The following SENP5 variants were observed in gnomAD, a reference collection of about 807,000 sequenced individuals.
SENP5 encodes the protein sentrin-specific protease 5.
SENP5 carries 21 observed loss-of-function variants against 74.2 expected under a neutral mutation model. That is an observed-to-expected ratio of 0.28 (90% CI 0.20 to 0.41). The LOEUF (loss-of-function observed/expected upper bound fraction) is 0.41, where lower values mean the gene tolerates loss of function less well. Ranked by LOEUF, SENP5 falls within the 10% of genes least tolerant of loss-of-function variation. SENP5 has a pLI of 1.00. For synonymous variants in SENP5, 311 were observed against 312.7 expected (o/e 0.99, Z 0.06); for missense variants, 717 against 889.1 (o/e 0.81, Z 2.46).
intron 1 of SENP5, among the ~76,000 whole-genome samples, chr3:196,872,552 A>G (rs543252997): frequency 7.9e-5 from 12 of 152,164 alleles, no homozygotes; most frequent in East Asian, 5.8e-4. Flanking sequence ...CTCATTCTCA[A>G]CTGGACCAGT....
At chr3:196,910,284 G>T (rs1380080813) in intron 6 of SENP5, among the ~76,000 whole-genome samples, 3 of 149,824 alleles carry the variant, frequency 2.0e-5, no homozygotes, top group African/African-American at 7.4e-5. Flanking sequence ...TTCCATCCTC[G>T]TGGATAGGAA....
At position 196,885,407 on chromosome 3, in the gene SENP5, C is replaced by G; in HGVS notation, c.226C>G (p.Leu76Val). The G allele has an allele frequency of 6.2e-7, 1 of 1,614,114 alleles. No individual in the cohort carries two copies. The highest frequency in any genetic ancestry group is 1.1e-5 in the South Asian group (1 of 91,076). Residue 76 changes from leucine to valine, a missense_variant, in exon 2 of 10, where the codon CTT becomes GTT. Coordinates refer to ENST00000323460, the MANE Select transcript of SENP5 (RefSeq NM_152699.5). ...GAAAACGTGGATCAAGGATGAACCC[C>G]TTTGTGCTAAGACCAAGTTCAATGT... ...IQKTWIKDEP[L>V]CAKTKFNVAT...
chr3:196,877,480 C>T (rs1027588558), intron 1 of SENP5, among the ~76,000 whole-genome samples: 8 of 152,130 alleles, frequency 5.3e-5, no homozygotes, highest in Non-Finnish European at 1.0e-4. Flanking sequence ...CCACCGTGCC[C>T]GGCCACTATC....
rs1716014259 is a variant in SENP5, at chr3:196,930,965, G to A, written c.*42G>A. The A allele has an allele frequency of 1.6e-6, 2 of 1,278,570 alleles. No individual in the cohort carries two copies. The highest frequency in any genetic ancestry group is 2.3e-6 in the Non-Finnish European group (2 of 875,104). 79.2% of individuals were successfully genotyped at this position (1,278,570 alleles called of 1,614,324 possible). ...TGGGAAGTCTGACCAAGTTGGAGCA[G>A]ATGGTTTGTTACTTGAATCTCCAAA... On this transcript the variant is annotated 3_prime_UTR_variant, in exon 10 of 10. Transcript: ENST00000323460.
At chr3:196,926,575 T>G (rs1715820852) in intron 7 of SENP5, among the ~76,000 whole-genome samples, 1 of 152,010 alleles carries the variant, frequency 6.6e-6, no homozygotes, top group African/African-American at 2.4e-5. Flanking sequence ...TGTCATACTT[T>G]GTTGGATATT....
At chr3:196,927,592 C>T (rs186802215) in intron 7 of SENP5, among the ~76,000 whole-genome samples, 100 of 150,522 alleles carry the variant, frequency 6.6e-4, no homozygotes, top group African/African-American at 2.3e-3. Flanking sequence ...GCTATGATCA[C>T]GCCATTGTAC....
chr3:196,882,609 T>C (rs1468350479), intron 1 of SENP5, among the ~76,000 whole-genome samples: 1 of 152,152 alleles, frequency 6.6e-6, no homozygotes, highest in African/African-American at 2.4e-5. Flanking sequence ...GTTCAGGCAA[T>C]TCCTGTGCCT....
At chr3:196,899,519 T>G (rs1160772761) in intron 2 of SENP5, 147 bp from the exon 3 acceptor site, 8 of 442,870 alleles carry the variant, frequency 1.8e-5, no homozygotes, top group Non-Finnish European at 2.9e-5. Context: ...AGACATAACT[T>G]TAAAAATATA....
chr3:196,886,024 G>A lies in SENP5; in HGVS notation c.843G>A (p.Glu281=). 1.2e-6 allele frequency: 2 copies of A among 1,614,184 alleles called. No homozygotes were observed. The highest frequency in any genetic ancestry group is 3.3e-5 in the Admixed American group (2 of 60,010). ...VTGDHQETRR[E]NGEGGSCSPF... is the part of the protein sequence containing the mutation. ...GGGACCATCAAGAGACCCGTAGGGA[G>A]AACGGTGAGGGTGGCAGTTGCAGCC... is the stretch of plus-strand genomic sequence containing the variant. The change falls in exon 2 of 10, where the codon GAG becomes GAA. Residue 281 remains glutamate, a synonymous_variant. Transcript: ENST00000323460.
At chr3:196,902,927 T>C (rs774914953) in intron 5 of SENP5, among the ~76,000 whole-genome samples, 1 of 152,150 alleles carries the variant, frequency 6.6e-6, no homozygotes, top group Non-Finnish European at 1.5e-5. Flanking sequence ...AGGTAATTGT[T>C]ACCTCATTTT....
At position 196,886,062 on chromosome 3, in the gene SENP5, C is replaced by T. The variant is rs1414234046; in HGVS notation, c.881C>T (p.Pro294Leu). ...EGGSCSPFPSPEPKDPSCRHQ... is the reference protein window; with the variant it reads ...EGGSCSPFPSLEPKDPSCRHQ... The stretch of plus-strand genomic sequence containing the variant: ...GGCAGTTGCAGCCCATTTCCTTCCC[C>T]AGAACCTAAAGACCCTTCTTGTCGG... The change falls in exon 2 of 10, where the codon CCA becomes CTA. Residue 294 changes from proline to leucine, a missense_variant. Pro to Leu is a moderately conservative substitution (Grantham distance 98). This residue lies in a region of SENP5 where 567 missense variants were observed against 577.4 expected (regional missense o/e 0.98). Transcript: ENST00000323460. 1 of 1,614,230 alleles carries T rather than the reference C, an allele frequency of 6.2e-7. No individual in the cohort carries two copies.
At chr3:196,927,624 A>G (rs532882623) in intron 7 of SENP5, among the ~76,000 whole-genome samples, 172 bp from the exon 8 acceptor site, 1 of 148,670 alleles carries the variant, frequency 6.7e-6, no homozygotes, top group African/African-American at 2.5e-5. Context: ...TGACAGAGCA[A>G]GATCCTCTCT....
intron 6 of SENP5, chr3:196,913,276 G>A (rs1715212457): frequency 6.6e-6 from 1 of 152,142 alleles, no homozygotes. Context: ...AATTGAACAT[G>A]TACTTAGCCA....
At chr3:196,890,758 A>T (rs577021461) in intron 2 of SENP5, among the ~76,000 whole-genome samples, 1 of 152,344 alleles carries the variant, frequency 6.6e-6, no homozygotes, top group East Asian at 1.9e-4. Context: ...TCTAGAACTG[A>T]AAAGAAAGGT....
At chr3:196,876,925 CCA>C (rs1267593308) in intron 1 of SENP5, among the ~76,000 whole-genome samples, 1 of 152,198 alleles carries the variant, frequency 6.6e-6, no homozygotes, top group East Asian at 1.9e-4. Context: ...TCTTAAATAA[CCA>C]CAGTTATTTA....
Position 196,924,155 on chromosome 3 carries a change from A to G in SENP5, c.2022+604A>G, listed in dbSNP as rs1715726203. Among the ~76,000 whole-genome samples the G allele has an allele frequency of 2.0e-5, 3 of 152,346 alleles. No individual in the cohort carries two copies. In the South Asian group the frequency reaches 6.2e-4, roughly 32 times the overall value. On this transcript the variant is annotated intron_variant, in intron 7 of 9. Coordinates refer to ENST00000323460, the MANE Select transcript of SENP5 (RefSeq NM_152699.5). ...TAAAAGAAATCTGTACAAAACTGTA[A>G]AAGTATTTGAATGAAATATGGAAAA...
chr3:196,894,595 C>T (rs978643839), intron 2 of SENP5, among the ~76,000 whole-genome samples: 3 of 148,884 alleles, frequency 2.0e-5, no homozygotes, highest in Non-Finnish European at 3.0e-5. Flanking sequence ...GTTGGTAGTT[C>T]TAATACTGTT....
chr3:196,893,704 G>A (rs1393998474), intron 2 of SENP5, among the ~76,000 whole-genome samples: 19 of 152,100 alleles, frequency 1.2e-4, no homozygotes, highest in Admixed American at 1.2e-3. Context: ...GAGGTCAGGA[G>A]TTCAAGACTA....
Position 196,932,063 on chromosome 3 carries a change from CAG to C in SENP5, c.*1141_*1142del. 3.5e-6 allele frequency: 1 copy of C among 283,932 alleles called. No individual in the cohort carries two copies. The highest frequency in any genetic ancestry group is 7.0e-6 in the Non-Finnish European group (1 of 143,276). 17.6% of individuals were successfully genotyped at this position (283,932 alleles called of 1,614,324 possible). A position where few individuals can be genotyped will look rare whatever the true frequency, so the allele number is the denominator to read the frequency against. On this transcript the variant is annotated 3_prime_UTR_variant, in exon 10 of 10. Transcript: ENST00000323460. ...TGCATGGCCAGTGCTGACACTAGCA[CAG>C]CTGTTCTTCTCCTTCTGTTGAACCT...
Sources: gnomAD v4.1 joint callset for allele counts (sites outside exome capture counted in the v4.1 genomes callset) on GRCh38, gnomAD v4.1.1 for gene constraint, gnomAD v4.1.1 regional missense constraint, MANE v1.5 for transcripts, NCBI Gene and HGNC (gene_info 2026-07-23, HGNC 2026-07-21) for gene names.